Variants in PTPN13 observed in about 807,000 individuals in gnomAD.
PTPN13 encodes protein tyrosine phosphatase non-receptor type 13, also known as tyrosine-protein phosphatase non-receptor type 13.
In PTPN13, 191 loss-of-function variants were observed where a neutral mutation model predicts 284.0. That is an observed-to-expected ratio of 0.67 (90% CI 0.60 to 0.76). The LOEUF (loss-of-function observed/expected upper bound fraction) is 0.76, where lower values mean the gene tolerates loss of function less well. Among genes scored for constraint, PTPN13 ranks in the 30% least tolerant of loss-of-function variants. The pLI is 0.00. For synonymous variants in PTPN13, 986 were observed against 1,022.3 expected, an observed-to-expected ratio of 0.96 and a Z score of 0.68; for missense variants, 2,797 against 2,939.9, an observed-to-expected ratio of 0.95 and a Z score of 1.12.
chr4:86,758,866 G>T, intron 22 of PTPN13, 76 bp from the exon 23 acceptor site: 1 of 1,583,068 alleles, frequency 6.3e-7, no homozygotes, highest in Admixed American at 1.8e-5. Context: ...AAATAATTGA[G>T]AAAGAGATGA....
intron 1 of PTPN13, among the ~76,000 whole-genome samples, chr4:86,620,159 A>G (rs2148660033): frequency 6.6e-6 from 1 of 152,286 alleles, no homozygotes; most frequent in Admixed American, 6.5e-5. Context: ...AATAAATTTT[A>G]TTATTGTTAA....
At chr4:86,690,662 C>CT (rs1278948648) in intron 5 of PTPN13, among the ~76,000 whole-genome samples, 1 of 152,078 alleles carries the variant, frequency 6.6e-6, no homozygotes, top group East Asian at 1.9e-4. Flanking sequence ...CACACTTTCT[C>CT]TAAGACTTTT....
chr4:86,604,059 T>C (rs907321951), intron 1 of PTPN13, among the ~76,000 whole-genome samples: 1 of 152,086 alleles, frequency 6.6e-6, no homozygotes, highest in Non-Finnish European at 1.5e-5. Flanking sequence ...CTTAAGTGTT[T>C]AGCTTTTGTG....
chr4:86,633,439 T>G lies in PTPN13; in HGVS notation c.-5-1813T>G, dbSNP rs151332915. On this transcript the variant is annotated intron_variant, in intron 1 of 47. Transcript: ENST00000411767. The stretch of plus-strand genomic sequence containing the variant: ...CTCCACTAACTCCAGAGAACATATA[T>G]CAAGGACTCCCAGGGGTCCCATTAA... Among the ~76,000 whole-genome samples, 222 of 152,254 alleles carry G rather than the reference T, an allele frequency of 1.5e-3. 2 individuals are homozygous for G. Among genetic ancestry groups the G allele is most frequent in the African/African-American group, 5.1e-3 (210 of 41,558 alleles).
intron 1 of PTPN13, among the ~76,000 whole-genome samples, chr4:86,625,012 A>T (rs1393909844): frequency 6.6e-6 from 1 of 152,182 alleles, no homozygotes; most frequent in African/African-American, 2.4e-5. Context: ...CACTAAGCCA[A>T]TGAATGAGGC....
intron 2 of PTPN13, among the ~76,000 whole-genome samples, chr4:86,639,483 A>T (rs1169006851): frequency 6.6e-6 from 1 of 152,124 alleles, no homozygotes; most frequent in Non-Finnish European, 1.5e-5. Context: ...TACACCATGG[A>T]ATACTATGCA....
intron 2 of PTPN13, among the ~76,000 whole-genome samples, chr4:86,635,624 T>C (rs1008199547): frequency 2.6e-5 from 4 of 152,142 alleles, no homozygotes; most frequent in African/African-American, 9.7e-5. Flanking sequence ...CCGAAACAGT[T>C]CTTCTCAGTT....
In PTPN13 at chr4:86,754,243, T is replaced by C. The variant is rs1737728511; in HGVS notation, c.3223+1178T>C. Among the ~76,000 whole-genome samples, 3 of 152,008 alleles carry C rather than the reference T, an allele frequency of 2.0e-5. No homozygotes were observed. The South Asian group carries it at 6.2e-4, about 31-fold the overall frequency. On this transcript the variant is annotated intron_variant, in intron 20 of 47. Coordinates refer to ENST00000411767, the MANE Select transcript of PTPN13 (RefSeq NM_080683.3). ...TGAGGGCCTATCATTAAAGAAAAAA[T>C]TATTGAACTTATACTTGGACGTAAA...
At chr4:86,790,184 T>G (rs1742456674) in intron 40 of PTPN13, among the ~76,000 whole-genome samples, 1 of 152,194 alleles carries the variant, frequency 6.6e-6, no homozygotes, top group African/African-American at 2.4e-5. Flanking sequence ...AGAGATGAGT[T>G]TCCTTTTAGT....
intron 15 of PTPN13, among the ~76,000 whole-genome samples, chr4:86,737,121 A>T (rs1248419559): frequency 6.6e-6 from 1 of 151,988 alleles, no homozygotes; most frequent in Non-Finnish European, 1.5e-5. Context: ...CATGCCTGTA[A>T]TCCCAGCTGG....
chr4:86,776,283 AG>A (rs1297948323), intron 35 of PTPN13, among the ~76,000 whole-genome samples: 2 of 152,244 alleles, frequency 1.3e-5, no homozygotes, highest in Non-Finnish European at 2.9e-5. Flanking sequence ...TAGAAGTCCC[AG>A]AGATAGGGTG....
At chr4:86,743,432 CTT>C (rs1470931549) in intron 16 of PTPN13, among the ~76,000 whole-genome samples, 2 of 151,884 alleles carry the variant, frequency 1.3e-5, no homozygotes, top group Admixed American at 6.6e-5. Context: ...AGTTCAGTGT[CTT>C]TGCAAATTCC....
chr4:86,666,678 T>C (rs142323384), intron 2 of PTPN13, among the ~76,000 whole-genome samples: 1 of 151,762 alleles, frequency 6.6e-6, no homozygotes, highest in East Asian at 1.9e-4. Context: ...AGAATGGGAG[T>C]GTACCAAATT....
chr4:86,616,018 T>C (rs964908058), intron 1 of PTPN13, among the ~76,000 whole-genome samples: 4 of 152,200 alleles, frequency 2.6e-5, no homozygotes, highest in Admixed American at 6.5e-5. Context: ...TTGTAAATAA[T>C]GAGCACTGAA....
intron 10 of PTPN13, among the ~76,000 whole-genome samples, chr4:86,724,030 C>G (rs1028306646): frequency 6.6e-6 from 1 of 152,118 alleles, no homozygotes; most frequent in Non-Finnish European, 1.5e-5. Context: ...TTGCATTGAA[C>G]TACAAATTGG....
rs183607158 is a variant in PTPN13 at position 86,748,292 on chromosome 4, T to C, written c.2651-2178T>C. 1.6e-3 allele frequency among the ~76,000 whole-genome samples: 248 copies of C among 152,296 alleles called. 4 individuals carry two copies. The Middle Eastern group carries it at 0.024, about 15-fold the overall frequency. On this transcript the variant is annotated intron_variant, in intron 17 of 47. Transcript: ENST00000411767. ...GCCTTTGTGTTCAAATTTGAAACAT[T>C]AGTATTAGGATACAGGCTCATTCTA...
intron 32 of PTPN13, among the ~76,000 whole-genome samples, 189 bp from the exon 33 acceptor site, chr4:86,774,184 G>T (rs780243129): frequency 3.9e-5 from 6 of 152,090 alleles, no homozygotes; most frequent in African/African-American, 1.4e-4. Context: ...GGGATGCAGT[G>T]GGGGGACAGT....
Position 86,701,236 on chromosome 4 carries a change from TC to T in PTPN13, c.635-3del. On this transcript the variant is annotated splice_region_variant and splice_polypyrimidine_tract_variant and intron_variant, in intron 6 of 47. Coordinates refer to ENST00000411767, the MANE Select transcript of PTPN13 (RefSeq NM_080683.3). Reference sequence around the variant, plus strand: ...TGCATACATGATAGATTCTTATCATTCCAGGAAGAAGCTCTACTTCTGATGT... The same window carrying T: ...TGCATACATGATAGATTCTTATCATTCAGGAAGAAGCTCTACTTCTGATGT... 6.5e-7 allele frequency: 1 copy of T among 1,538,556 alleles called. No individual in the cohort carries two copies. The highest frequency in any genetic ancestry group is 2.1e-5 in the Admixed American group (1 of 47,182).
At chr4:86,662,048 T>C (rs1484411248) in intron 2 of PTPN13, among the ~76,000 whole-genome samples, 1 of 152,234 alleles carries the variant, frequency 6.6e-6, no homozygotes, top group Non-Finnish European at 1.5e-5. Flanking sequence ...TGTAAAACTT[T>C]TTTTTACTGG....
Sources: allele counts gnomAD v4.1 joint callset (sites outside exome capture counted in the v4.1 genomes callset), GRCh38; gene constraint gnomAD v4.1.1; transcripts MANE v1.5; gene names NCBI Gene and HGNC (gene_info 2026-07-23, HGNC 2026-07-21).